Variants in AGBL1 observed in about 807,000 individuals in gnomAD.
AGBL1 encodes cytosolic carboxypeptidase 4.
In AGBL1, 130 loss-of-function variants were observed where a neutral mutation model predicts 118.9. The ratio of observed to expected loss-of-function variants is 1.09; its 90% CI spans 0.95 to 1.26. The LOEUF is 1.26. Ranked by LOEUF, AGBL1 falls within the 50% of genes most tolerant of loss-of-function variation. The pLI, the probability that AGBL1 is intolerant of heterozygous loss-of-function variation, is 0.00. For synonymous variants in AGBL1, 555 were observed against 478.9 expected (o/e 1.16, Z -2.08); for missense variants, 1,584 against 1,298.1 (o/e 1.22, Z -3.38).
chr15:86,722,870 A>C (rs1331956930), intron 22 of AGBL1, among the ~76,000 whole-genome samples: 1 of 152,198 alleles, frequency 6.6e-6, no homozygotes, highest in Non-Finnish European at 1.5e-5. Flanking sequence ...TCTCAAAAGA[A>C]GACATTTATG....
intron 22 of AGBL1, among the ~76,000 whole-genome samples, chr15:86,748,952 C>T (rs534044753): frequency 1.1e-4 from 16 of 152,136 alleles, no homozygotes; most frequent in Non-Finnish European, 1.8e-4. Flanking sequence ...ATGGTGCCTC[C>T]AGCTTTGTTC....
intron 18 of AGBL1, among the ~76,000 whole-genome samples, chr15:86,461,396 C>A (rs1280327738): frequency 1.3e-5 from 2 of 152,136 alleles, no homozygotes; most frequent in African/African-American, 2.4e-5. Context: ...CTTCAGTGAG[C>A]CCCTTTTATG....
chr15:86,246,987 T>C (rs2078730989), intron 6 of AGBL1, among the ~76,000 whole-genome samples: 1 of 152,204 alleles, frequency 6.6e-6, no homozygotes, highest in Non-Finnish European at 1.5e-5. Flanking sequence ...ACTATTATTA[T>C]TATGTTTCTT....
At chr15:86,642,905 C>G (rs1249248414) in intron 21 of AGBL1, among the ~76,000 whole-genome samples, 1 of 152,090 alleles carries the variant, frequency 6.6e-6, no homozygotes, top group Non-Finnish European at 1.5e-5. Context: ...CTAACTCATA[C>G]TGTTAAAATA....
intron 21 of AGBL1, among the ~76,000 whole-genome samples, chr15:86,619,245 C>G (rs949078663): frequency 5.3e-5 from 8 of 152,144 alleles, no homozygotes; most frequent in African/African-American, 1.9e-4. Context: ...AGACGTGACA[C>G]TGAACCTCCT....
chr15:86,541,132 T>C (rs1450035956), intron 19 of AGBL1, among the ~76,000 whole-genome samples: 1 of 152,204 alleles, frequency 6.6e-6, no homozygotes, highest in Non-Finnish European at 1.5e-5. Context: ...AACTAAGATG[T>C]AAGAGGTAAA....
At position 86,247,457 on chromosome 15, in the gene AGBL1, G is replaced by A. The variant is rs140086030; in HGVS notation, c.527-214G>A. On this transcript the variant is annotated intron_variant, in intron 6 of 22. Coordinates refer to ENST00000614907, the MANE Select transcript of AGBL1 (RefSeq NM_001386094.1). ...AGAAGTGATGCCGATCTTTCTCAGT[G>A]TATCATATCGGGTGGCACGTGATGA... Among the ~76,000 whole-genome samples, 97 of 152,316 alleles carry A rather than the reference G, an allele frequency of 6.4e-4. 1 individual carries two copies. The East Asian group carries it at 0.017, about 26-fold the overall frequency.
intron 10 of AGBL1, 107 bp downstream of exon 10, chr15:86,263,001 A>G (rs752955405): frequency 2.5e-6 from 2 of 786,828 alleles, no homozygotes; most frequent in Non-Finnish European, 4.3e-6. Flanking sequence ...GCTCATCATT[A>G]GCCATATGCT....
chr15:86,389,825 A>G (rs2081250615), intron 17 of AGBL1, among the ~76,000 whole-genome samples: 1 of 152,000 alleles, frequency 6.6e-6, no homozygotes. Flanking sequence ...GGAAAAAAAC[A>G]ATCAATCCAA....
At chr15:86,560,154 T>A (rs76957705) in intron 21 of AGBL1, among the ~76,000 whole-genome samples, 5 of 151,746 alleles carry the variant, frequency 3.3e-5, no homozygotes, top group East Asian at 3.9e-4. Flanking sequence ...CTTTTTTTTT[T>A]ATATACTTTA....
At chr15:86,163,239 C>T (rs747456295) in intron 5 of AGBL1, among the ~76,000 whole-genome samples, 3 of 152,174 alleles carry the variant, frequency 2.0e-5, no homozygotes, top group African/African-American at 4.8e-5. Flanking sequence ...GAGTTTGCGA[C>T]CAGCTTGGGC....
intron 18 of AGBL1, among the ~76,000 whole-genome samples, chr15:86,442,776 C>A (rs1237190774): frequency 6.6e-6 from 1 of 152,198 alleles, no homozygotes; most frequent in Admixed American, 6.5e-5. Flanking sequence ...CATAGGCATC[C>A]TGGCCTCCAT....
At chr15:86,943,926 C>T (rs185595049) in intron 23 of AGBL1, among the ~76,000 whole-genome samples, 123 of 152,306 alleles carry the variant, frequency 8.1e-4, no homozygotes, top group Non-Finnish European at 1.4e-3. Flanking sequence ...CCAAACCTAA[C>T]TTCAAGGAAG....
Position 86,397,489 on chromosome 15 carries a change from A to T in AGBL1, c.2498A>T (p.Glu833Val). Residue 833 changes from glutamate (E) to valine (V), a missense_variant, in exon 18 of 23, where the codon GAA becomes GTA. Transcript: ENST00000614907. ...SSDPVARLLR[E>V]NFIFKIIPML... ...GACCCTGTGGCTAGGCTCTTGAGGG[A>T]AAACTTCATCTTCAAGATCATACCC... The T allele has an allele frequency of 6.2e-7, 1 of 1,613,048 alleles. No individual in the cohort carries two copies. The highest frequency in any genetic ancestry group is 8.5e-7 in the Non-Finnish European group (1 of 1,179,374).
Position 86,899,304 on chromosome 15 carries a change from G to A in AGBL1, c.3159-7783G>A, listed in dbSNP as rs776167797. 1.3e-4 allele frequency among the ~76,000 whole-genome samples: 20 copies of A among 152,184 alleles called. No individual in the cohort carries two copies. In the East Asian group the frequency reaches 1.5e-3, roughly 12 times the overall value. On this transcript the variant is annotated intron_variant, in intron 22 of 22. Transcript: ENST00000614907. ...GCAAGAGCAGAAAACCAAATACCAC[G>A]TGTTATCACTTATAAGTGGGAGCTA... is the stretch of plus-strand genomic sequence containing the variant.
intron 21 of AGBL1, among the ~76,000 whole-genome samples, chr15:86,624,894 A>C (rs2084860831): frequency 6.6e-6 from 1 of 152,078 alleles, no homozygotes; most frequent in Non-Finnish European, 1.5e-5. Flanking sequence ...GCTGCTCAAA[A>C]ATCATCTAGA....
chr15:86,586,633 G>C lies in AGBL1; in HGVS notation c.2994+32096G>C, dbSNP rs4598876. Among the ~76,000 whole-genome samples the C allele has an allele frequency of 5.3e-5, 8 of 151,930 alleles. No individual in the cohort carries two copies. The East Asian group carries it at 1.6e-3, about 29-fold the overall frequency. ...CTGAGAAAGTGCACCTAAAGCAGTC[G>C]GGTTACAGTTTGGTTTAATACATTT... is the stretch of plus-strand genomic sequence containing the variant. On this transcript the variant is annotated intron_variant, in intron 21 of 22. Coordinates refer to ENST00000614907, the MANE Select transcript of AGBL1 (RefSeq NM_001386094.1).
intron 15 of AGBL1, among the ~76,000 whole-genome samples, chr15:86,273,045 A>G (rs7165410): frequency 0.27 from 40,405 of 152,180 alleles, 5,811 homozygotes; most frequent in Middle Eastern, 0.37. Context: ...CTCTGAAAAT[A>G]GTTATTCTCA....
intron 18 of AGBL1, among the ~76,000 whole-genome samples, chr15:86,484,541 T>C (rs866036349): frequency 6.6e-6 from 1 of 152,126 alleles, no homozygotes; most frequent in African/African-American, 2.4e-5. Flanking sequence ...AGCCCAAAGG[T>C]ATTCTTTAAG....
Sources: gnomAD v4.1 joint callset for allele counts (sites outside exome capture counted in the v4.1 genomes callset) on GRCh38, gnomAD v4.1.1 for gene constraint, MANE v1.5 for transcripts, NCBI Gene and HGNC (gene_info 2026-07-23, HGNC 2026-07-21) for gene names.